The following NUP188 variants were observed in gnomAD, a reference collection of about 807,000 sequenced individuals.
NUP188 encodes the protein nucleoporin 188, also known as nucleoporin NUP188.
In NUP188, 97 loss-of-function variants were observed where a neutral mutation model predicts 223.0. That is an observed-to-expected ratio of 0.43 (90% confidence interval 0.37 to 0.51). The LOEUF is 0.51. Ranked by LOEUF, NUP188 falls within the 20% of genes least tolerant of loss-of-function variation. NUP188 has a pLI of 0.00. For missense variants in NUP188, 1,947 were observed against 2,175.6 expected (o/e 0.89, Z 2.09); for synonymous variants, 869 against 828.0 (o/e 1.05, Z -0.85).
chr9:128,978,517 C>T (rs1212538907), intron 12 of NUP188, among the ~76,000 whole-genome samples: 9 of 130,240 alleles, frequency 6.9e-5, no homozygotes, highest in Non-Finnish European at 1.2e-4. Context: ...GAGCCAAGAT[C>T]GCGCCACTGC....
chr9:128,977,267 C>A (rs1305211242), intron 12 of NUP188, among the ~76,000 whole-genome samples: 1 of 151,810 alleles, frequency 6.6e-6, no homozygotes, highest in African/African-American at 2.4e-5. Context: ...CTACAGGCGC[C>A]CGCCGCCATA....
At chr9:128,979,029 G>A (rs1842218537) in intron 12 of NUP188, among the ~76,000 whole-genome samples, 1 of 152,058 alleles carries the variant, frequency 6.6e-6, no homozygotes, top group African/African-American at 2.4e-5. Flanking sequence ...TTCTTAACCA[G>A]TTTTTTCTGA....
intron 30 of NUP188, among the ~76,000 whole-genome samples, chr9:128,997,262 G>T (rs1304772117): frequency 6.6e-6 from 1 of 152,152 alleles, no homozygotes; most frequent in African/African-American, 2.4e-5. Flanking sequence ...GGCAAGCAGG[G>T]TTGGACTAGA....
intron 3 of NUP188, 26 bp from the exon 4 acceptor site, chr9:128,956,324 G>T (rs933348893): frequency 2.1e-6 from 3 of 1,406,676 alleles, no homozygotes; most frequent in African/African-American, 1.5e-5. Context: ...TGAGAATGAA[G>T]AAATGATTCA....
rs1841740600 is a variant in NUP188, at chr9:128,949,218, T to C, written c.62T>C (p.Leu21Pro). 11 of 1,613,500 alleles carry C rather than the reference T, an allele frequency of 6.8e-6. No homozygotes were observed. Among genetic ancestry groups the C allele is most frequent in the Non-Finnish European group, 9.3e-6 (11 of 1,179,528 alleles). ...RSSRELWTIL[L>P]GRSALRELSQ... ...AGTAGAGAACTGTGGACTATTCTGC[T>C]TGGAAGGTCAGCTCTGAGAGAGCTG... is the stretch of plus-strand genomic sequence containing the variant. The change falls in exon 2 of 44, where the codon CTT becomes CCT. Residue 21 changes from leucine (L) to proline (P), a missense_variant. Leu to Pro is a moderately conservative substitution (Grantham distance 98, BLOSUM62 -3). Transcript: ENST00000372577.
At chr9:128,972,061 C>T (rs764248702) in intron 11 of NUP188, among the ~76,000 whole-genome samples, 32 of 152,182 alleles carry the variant, frequency 2.1e-4, no homozygotes, top group Non-Finnish European at 3.5e-4. Flanking sequence ...TGTGAGCCAC[C>T]GTGCCCGGCC....
intron 5 of NUP188, among the ~76,000 whole-genome samples, chr9:128,957,274 G>A (rs570518919): frequency 7.2e-5 from 11 of 152,198 alleles, no homozygotes; most frequent in African/African-American, 2.6e-4. Context: ...GGAGTTTGAG[G>A]CTGCAGTGAA....
chr9:128,957,069 A>T, intron 5 of NUP188, 37 bp downstream of exon 5: 1 of 1,423,854 alleles, frequency 7.0e-7, no homozygotes. Context: ...TTCTGCCTTT[A>T]TCCTTTTTCC....
chr9:128,961,157 TAAAAAAATA>T (rs1462387296), intron 8 of NUP188, among the ~76,000 whole-genome samples: 1 of 140,422 alleles, frequency 7.1e-6, no homozygotes, highest in Admixed American at 7.3e-5. Flanking sequence ...CTGTCTCTAG[TAAAAAAATA>T]TACAAAAAAA....
At chr9:128,947,864 G>T in intron 1 of NUP188, 113 bp downstream of exon 1, 1 of 1,046,976 alleles carries the variant, frequency 9.6e-7, no homozygotes. Flanking sequence ...GGCCAACCCC[G>T]GCTGGATGGA....
chr9:128,969,386 A>G lies in NUP188; in HGVS notation c.798-14A>G, dbSNP rs1480231215. On this transcript the variant is annotated splice_polypyrimidine_tract_variant and intron_variant, in intron 9 of 43. Coordinates refer to ENST00000372577, the MANE Select transcript of NUP188 (RefSeq NM_015354.3). ...ACGGGATATATAACATGGTGATACTATTTTTCTTTCTAGCTACTTCAGTGC... is the reference window on the plus strand; with the variant it reads ...ACGGGATATATAACATGGTGATACTGTTTTTCTTTCTAGCTACTTCAGTGC... 5 of 1,505,274 alleles carry G rather than the reference A, an allele frequency of 3.3e-6. No homozygotes were observed. The highest frequency in any genetic ancestry group is 2.3e-5 in the East Asian group (1 of 44,118). The allele number at this position is 1,505,274 out of a possible 1,614,324, so 93.2% of individuals were successfully genotyped here.
rs17452534 is a variant in NUP188 at position 129,006,497 on chromosome 9, T to C, written c.5074-5T>C. The C allele has an allele frequency of 3.3e-3, 5,391 of 1,612,256 alleles. 159 individuals carry two copies. The East Asian group carries it at 0.058, about 17-fold the overall frequency. ...AGCCTCACCAAGCCACTTTTTTTCT[T>C]GTAGAGCACGCTGCTGTCCAGCCTC... On this transcript the variant is annotated splice_region_variant and splice_polypyrimidine_tract_variant and intron_variant, in intron 43 of 43. Coordinates refer to ENST00000372577, the MANE Select transcript of NUP188 (RefSeq NM_015354.3).
intron 32 of NUP188, among the ~76,000 whole-genome samples, chr9:128,998,856 C>CTT (rs570377284): frequency 0.024 from 2,995 of 125,758 alleles, 94 homozygotes; most frequent in Non-Finnish European, 0.035. Flanking sequence ...ACCCCGTATT[C>CTT]TTTTTTTTTT....
At chr9:128,948,118 G>C (rs1841717026) in intron 1 of NUP188, 1 of 202,376 alleles carries the variant, frequency 4.9e-6, no homozygotes, top group African/African-American at 2.3e-5. Flanking sequence ...CGGTCTCCTG[G>C]GGTACCCCCC....
chr9:128,988,080 G>T lies in NUP188; in HGVS notation c.2427G>T (p.Leu809=). 3 of 1,614,214 alleles carry T rather than the reference G, an allele frequency of 1.9e-6. No homozygotes were observed. The Admixed American group carries it at 5.0e-5, about 27-fold the overall frequency. ...DGAEGQGQGQ[L]LIKTVKLAFS... ...CAGAGGGCCAGGGGCAGGGCCAGCTGCTGATCAAGACAGTGAAACTGGCAT... is the reference window on the plus strand; with the variant it reads ...CAGAGGGCCAGGGGCAGGGCCAGCTTCTGATCAAGACAGTGAAACTGGCAT... The change falls in exon 24 of 44, where the codon CTG becomes CTT. Residue 809 remains leucine, a synonymous_variant. Transcript: ENST00000372577.
intron 17 of NUP188, 73 bp downstream of exon 17, chr9:128,983,101 C>A: frequency 6.3e-7 from 1 of 1,583,180 alleles, no homozygotes; most frequent in South Asian, 1.1e-5. Flanking sequence ...TTGCAGGAAC[C>A]TGGACACATA....
At position 128,986,888 on chromosome 9, in the gene NUP188, TG is replaced by T; in HGVS notation, c.2264+14del. On this transcript the variant is annotated intron_variant, in intron 22 of 43. Coordinates refer to ENST00000372577, the MANE Select transcript of NUP188 (RefSeq NM_015354.3). ...ACCTGCACAGCAGGTAATGAAGGGTTGATTACTAGAGCTTGGTGCTCGCCAA... is the reference window on the plus strand; with the variant it reads ...ACCTGCACAGCAGGTAATGAAGGGTTATTACTAGAGCTTGGTGCTCGCCAA... 1 of 1,612,304 alleles carries T rather than the reference TG, an allele frequency of 6.2e-7. No individual in the cohort carries two copies. Among genetic ancestry groups the T allele is most frequent in the Non-Finnish European group, 8.5e-7 (1 of 1,178,632 alleles).
intron 8 of NUP188, among the ~76,000 whole-genome samples, chr9:128,962,795 A>AT (rs1564552400): frequency 6.6e-6 from 1 of 152,224 alleles, no homozygotes; most frequent in Non-Finnish European, 1.5e-5. Flanking sequence ...AATGGGAAGC[A>AT]TTTTGATAAT....
chr9:128,947,862 C>G (rs1841709819), intron 1 of NUP188, 111 bp downstream of exon 1: 1 of 1,060,616 alleles, frequency 9.4e-7, no homozygotes, highest in Non-Finnish European at 1.2e-6. Context: ...AGGGCCAACC[C>G]CGGCTGGATG....
Sources: allele counts gnomAD v4.1 joint callset (sites outside exome capture counted in the v4.1 genomes callset), GRCh38; gene constraint gnomAD v4.1.1; transcripts MANE v1.5; gene names NCBI Gene and HGNC (gene_info 2026-07-23, HGNC 2026-07-21).